CR1: variants seen among roughly 807,000 people sequenced by gnomAD.
CR1 encodes the protein complement receptor type 1.
A neutral mutation model predicts 187.3 loss-of-function variants in CR1; 116 were observed. That is an observed-to-expected ratio of 0.62 (90% CI 0.53 to 0.72). The LOEUF (loss-of-function observed/expected upper bound fraction) is 0.72. CR1 is among the 30% of genes least tolerant of loss of function. The probability of loss-of-function intolerance (pLI) is 0.00; values close to 1 mark genes in which losing one functional copy is unlikely to be tolerated. For synonymous variants in CR1, 576 were observed against 747.1 expected, an observed-to-expected ratio of 0.77 and a Z score of 3.73; for missense variants, 1,731 against 2,110.7, an observed-to-expected ratio of 0.82 and a Z score of 3.52.
At chr1:207,623,176 G>A (rs1163245760) in intron 45 of CR1, 108 bp downstream of exon 45, 15 of 752,776 alleles carry the variant, frequency 2.0e-5, no homozygotes, top group Non-Finnish European at 3.2e-5. Flanking sequence ...AACAGATGTG[G>A]TAATTCTTAT....
intron 4 of CR1, among the ~76,000 whole-genome samples, chr1:207,515,451 G>A (rs1045422564): frequency 5.3e-5 from 8 of 151,668 alleles, no homozygotes; most frequent in African/African-American, 7.3e-5. Flanking sequence ...AAGCCTTCCC[G>A]ATGCCCTTTC....
Position 207,616,483 on chromosome 1 carries a change from A to G in CR1, c.6662-92A>G, listed in dbSNP as rs1300304038. On this transcript the variant is annotated intron_variant, in intron 40 of 46. Transcript: ENST00000367049. ...TAGTTATATTCTTTCTAAAAGTTAT[A>G]TTCTTTTTAAGCGCACAGTCACAGG... 5.0e-6 allele frequency: 7 copies of G among 1,407,324 alleles called. No individual in the cohort carries two copies. The Admixed American group carries it at 1.1e-4, about 22-fold the overall frequency. The allele number at this position is 1,407,324 out of a possible 1,614,324, so 87.2% of individuals were successfully genotyped here.
intron 45 of CR1, among the ~76,000 whole-genome samples, chr1:207,624,627 A>G (rs965351282): frequency 6.6e-6 from 1 of 152,208 alleles, no homozygotes; most frequent in Non-Finnish European, 1.5e-5. Flanking sequence ...GAATTGGTAG[A>G]TATTTAAATT....
chr1:207,575,480 G>A, intron 27 of CR1, 115 bp from the exon 28 acceptor site: 2 of 1,299,300 alleles, frequency 1.5e-6, no homozygotes, highest in Non-Finnish European at 2.2e-6. Flanking sequence ...GTAAAGTTTA[G>A]GCTAGGCCTT....
intron 32 of CR1, among the ~76,000 whole-genome samples, chr1:207,583,649 T>A (rs1246836468): frequency 6.6e-6 from 1 of 152,222 alleles, no homozygotes; most frequent in Non-Finnish European, 1.5e-5. Context: ...ATTTTGCTCA[T>A]ATGAATACTT....
rs893900910 is a variant in CR1 at position 207,607,239 on chromosome 1, C to A, written c.5811-12C>A. 6.2e-7 allele frequency: 1 copy of A among 1,603,526 alleles called. No individual in the cohort carries two copies. The highest frequency in any genetic ancestry group is 1.3e-5 in the African/African-American group (1 of 74,768). On this transcript the variant is annotated splice_polypyrimidine_tract_variant and intron_variant, in intron 35 of 46. Transcript: ENST00000367049. ...TGTGTAGCGTATAACCATTTTCTAT[C>A]CTTTGCTTTAGGTTTCGACTCATTG...
chr1:207,513,421 C>G (rs1033664761), intron 4 of CR1, among the ~76,000 whole-genome samples: 3 of 152,118 alleles, frequency 2.0e-5, no homozygotes, highest in African/African-American at 7.2e-5. Flanking sequence ...CTGAAACTCC[C>G]CATGTGAATG....
chr1:207,582,985 C>T (rs1331357385), intron 32 of CR1, among the ~76,000 whole-genome samples: 1 of 152,066 alleles, frequency 6.6e-6, no homozygotes, highest in African/African-American at 2.4e-5. Flanking sequence ...CCCAGGCTGC[C>T]CATAGATATG....
chr1:207,616,831 T>A, intron 41 of CR1, 29 bp downstream of exon 41: 1 of 1,610,344 alleles, frequency 6.2e-7, no homozygotes, highest in Non-Finnish European at 8.5e-7. Flanking sequence ...ATATCCTAAA[T>A]GGGTTCAGAA....
intron 41 of CR1, among the ~76,000 whole-genome samples, chr1:207,617,796 A>G (rs1332408753): frequency 6.6e-6 from 1 of 151,526 alleles, no homozygotes; most frequent in Non-Finnish European, 1.5e-5. Flanking sequence ...AGGACAGAAC[A>G]GCACTGAATC....
Position 207,587,514 on chromosome 1 carries a change from A to G in CR1, c.5659A>G (p.Ile1887Val), listed in dbSNP as rs375303129. The G allele has an allele frequency of 1.2e-6, 2 of 1,613,862 alleles. No homozygotes were observed. The highest frequency in any genetic ancestry group is 1.7e-6 in the Non-Finnish European group (2 of 1,179,860). ...TGGGTATTTTGGGAAAATGTTCTCT[A>G]TCTCCTGCCTAGAAAACTTGGTCTG... is the stretch of plus-strand genomic sequence containing the variant. The part of the protein sequence containing the change: ...RPGYFGKMFS[I>V]SCLENLVWSS... Residue 1887 changes from isoleucine (I) to valine (V), a missense_variant, in exon 34 of 47, where the codon ATC (isoleucine) becomes GTC (valine). Coordinates refer to ENST00000367049, the MANE Select transcript of CR1 (RefSeq NM_000651.6).
chr1:207,506,212 TA>T, intron 2 of CR1, 129 bp downstream of exon 2: 1 of 1,101,596 alleles, frequency 9.1e-7, no homozygotes, highest in South Asian at 1.6e-5. Context: ...ATATGAGAAT[TA>T]TTCTTGTAGA....
At chr1:207,498,890 A>AAAAAAAAAAAAAG (rs911285366) in intron 1 of CR1, among the ~76,000 whole-genome samples, 2 of 149,322 alleles carry the variant, frequency 1.3e-5, no homozygotes, top group Non-Finnish European at 3.0e-5. Flanking sequence ...AAAAAAAAAA[A>AAAAAAAAAAAAAG]AAAGAAACAA....
intron 37 of CR1, among the ~76,000 whole-genome samples, chr1:207,610,520 CAG>C (rs966638223): frequency 4.6e-5 from 7 of 151,930 alleles, no homozygotes; most frequent in Non-Finnish European, 1.0e-4. Context: ...TTTTTAGAGA[CAG>C]AGTCTTGCTA....
At chr1:207,598,251 CT>C (rs1191226552) in intron 35 of CR1, among the ~76,000 whole-genome samples, 1 of 151,566 alleles carries the variant, frequency 6.6e-6, no homozygotes, top group Non-Finnish European at 1.5e-5. Context: ...TGTTGTATCT[CT>C]TTTAAAACAA....
At chr1:207,619,776 T>A in intron 42 of CR1, 104 bp from the exon 43 acceptor site, 2 of 950,974 alleles carry the variant, frequency 2.1e-6, no homozygotes, top group Non-Finnish European at 3.2e-6. Flanking sequence ...TGCTTCCTCT[T>A]AGCCAAGGGC....
intron 45 of CR1, among the ~76,000 whole-genome samples, chr1:207,625,155 T>C (rs1165542845): frequency 6.6e-6 from 1 of 152,226 alleles, no homozygotes; most frequent in Non-Finnish European, 1.5e-5. Flanking sequence ...TTTCATAAAA[T>C]TATTTCTTTG....
chr1:207,634,547 G>A (rs1267499919), intron 46 of CR1, among the ~76,000 whole-genome samples: 1 of 152,138 alleles, frequency 6.6e-6, no homozygotes, highest in Non-Finnish European at 1.5e-5. Context: ...CAGGTAACAG[G>A]TGATGCTGGG....
chr1:207,630,734 A>G, intron 46 of CR1, 113 bp downstream of exon 46: 1 of 605,176 alleles, frequency 1.7e-6, no homozygotes, highest in Non-Finnish European at 2.7e-6. Flanking sequence ...CAAAGAATTT[A>G]GAAAGTACTT....
Sources: allele counts gnomAD v4.1 joint callset (sites outside exome capture counted in the v4.1 genomes callset), GRCh38; gene constraint gnomAD v4.1.1; transcripts MANE v1.5; gene names NCBI Gene and HGNC (gene_info 2026-07-23, HGNC 2026-07-21).